The following NDC1 variants were observed in gnomAD, a reference collection of about 807,000 sequenced individuals.
NDC1 encodes the protein nucleoporin NDC1.
A neutral mutation model predicts 89.8 loss-of-function variants in NDC1; 24 were observed. That is an observed-to-expected ratio of 0.27 (90% confidence interval 0.19 to 0.38). NDC1 has a LOEUF of 0.38. Ranked by LOEUF, NDC1 falls within the 10% of genes least tolerant of loss-of-function variation. The pLI is 1.00. For synonymous variants in NDC1, 296 were observed against 284.8 expected (o/e 1.04, Z -0.39); for missense variants, 728 against 797.6 (o/e 0.91, Z 1.05).
At chr1:53,792,979 A>C (rs1170565597) in intron 14 of NDC1, among the ~76,000 whole-genome samples, 1 of 152,238 alleles carries the variant, frequency 6.6e-6, no homozygotes, top group African/African-American at 2.4e-5. Flanking sequence ...GTTGCCTATC[A>C]GCACAAAGCT....
intron 16 of NDC1, among the ~76,000 whole-genome samples, chr1:53,785,290 T>C (rs1048031297): frequency 6.6e-6 from 1 of 152,222 alleles, no homozygotes; most frequent in Admixed American, 6.5e-5. Context: ...CCATCAAAGA[T>C]ATGCCCAAAT....
At position 53,767,694 on chromosome 1, in the gene NDC1, C is replaced by A; in HGVS notation, c.*276G>T. The A allele has an allele frequency of 3.6e-6, 1 of 280,154 alleles. No individual in the cohort carries two copies. Among genetic ancestry groups the A allele is most frequent in the Non-Finnish European group, 6.6e-6 (1 of 151,092 alleles). The allele number at this position is 280,154 out of a possible 1,614,324, so 17.4% of individuals were successfully genotyped here. ...ACTATTAAGTTATATGAGCTAGAGACATTTCGACTGCCATCAATGCTTCTG... is the reference window on the plus strand; with the variant it reads ...ACTATTAAGTTATATGAGCTAGAGAAATTTCGACTGCCATCAATGCTTCTG... On this transcript the variant is annotated 3_prime_UTR_variant, in exon 18 of 18. Coordinates refer to ENST00000371429, the MANE Select transcript of NDC1 (RefSeq NM_018087.5).
At chr1:53,785,531 T>C (rs538824605) in intron 16 of NDC1, among the ~76,000 whole-genome samples, 1 of 152,290 alleles carries the variant, frequency 6.6e-6, no homozygotes, top group African/African-American at 2.4e-5. Context: ...GTAAAATGAA[T>C]TGAGTGTTAA....
intron 16 of NDC1, among the ~76,000 whole-genome samples, chr1:53,779,149 A>G (rs1171014739): frequency 6.7e-6 from 1 of 148,960 alleles, no homozygotes; most frequent in African/African-American, 2.5e-5. Context: ...AAAAATTGTC[A>G]TGTAACATAG....
At position 53,825,794 on chromosome 1, in the gene NDC1, T is replaced by C; in HGVS notation, c.594+4A>G. 1.3e-6 allele frequency: 2 copies of C among 1,581,150 alleles called. No individual in the cohort carries two copies. The highest frequency in any genetic ancestry group is 1.7e-6 in the Non-Finnish European group (2 of 1,169,732). Reference sequence around the variant, plus strand: ...GACATCAAGTAATGCTCAAATGATCTTACCTGTATGATGGGAAATGGAAGA... The same window carrying C: ...GACATCAAGTAATGCTCAAATGATCCTACCTGTATGATGGGAAATGGAAGA... On this transcript the variant is annotated splice_donor_region_variant and intron_variant, in intron 5 of 17. Coordinates refer to ENST00000371429, the MANE Select transcript of NDC1 (RefSeq NM_018087.5).
chr1:53,766,963 T>G lies in NDC1; in HGVS notation c.*1007A>C, dbSNP rs1389477671. The G allele has an allele frequency of 1.3e-5, 2 of 152,232 alleles. No individual in the cohort carries two copies. The highest frequency in any genetic ancestry group is 3.8e-4 in the East Asian group (2 of 5,202). 9.4% of individuals were successfully genotyped at this position (152,232 alleles called of 1,614,324 possible). A position where few individuals can be genotyped will look rare whatever the true frequency, so the allele number is the denominator to read the frequency against. On this transcript the variant is annotated 3_prime_UTR_variant, in exon 18 of 18. Transcript: ENST00000371429. ...AAGTACAGTAATCCCTCTGACGTTT[T>G]GGTTTCACTTGCTATTTGATGACTA...
At chr1:53,822,860 G>C (rs1648720943) in intron 5 of NDC1, among the ~76,000 whole-genome samples, 1 of 152,104 alleles carries the variant, frequency 6.6e-6, no homozygotes, top group Non-Finnish European at 1.5e-5. Flanking sequence ...TGGTCAGCTT[G>C]GCTATCAATC....
intron 11 of NDC1, among the ~76,000 whole-genome samples, chr1:53,799,033 C>T (rs986019242): frequency 1.3e-5 from 2 of 152,166 alleles, no homozygotes; most frequent in Non-Finnish European, 2.9e-5. Context: ...TTTGGTCAGA[C>T]TCATGATCTA....
At chr1:53,826,246 G>C (rs1303746169) in intron 4 of NDC1, among the ~76,000 whole-genome samples, 2 of 152,156 alleles carry the variant, frequency 1.3e-5, no homozygotes, top group African/African-American at 4.8e-5. Flanking sequence ...CTGTAAATAA[G>C]TTATATATAC....
At chr1:53,803,835 T>A in intron 10 of NDC1, 93 bp downstream of exon 10, 1 of 924,256 alleles carries the variant, frequency 1.1e-6, no homozygotes, top group South Asian at 1.4e-5. Context: ...CCTCCCAAAG[T>A]GCTGGGATTA....
At chr1:53,805,984 G>A (rs1452424168) in intron 9 of NDC1, among the ~76,000 whole-genome samples, 2 of 152,148 alleles carry the variant, frequency 1.3e-5, no homozygotes, top group African/African-American at 2.4e-5. Context: ...TGAGGCAGGA[G>A]AATGGCGTGA....
At position 53,793,234 on chromosome 1, in the gene NDC1, T is replaced by C. The variant is rs1647580585; in HGVS notation, c.1630A>G (p.Ser544Gly). 6.2e-7 allele frequency: 1 copy of C among 1,610,270 alleles called. No individual in the cohort carries two copies. The highest frequency in any genetic ancestry group is 8.5e-7 in the Non-Finnish European group (1 of 1,176,642). The change falls in exon 14 of 18, where the codon AGT becomes GGT. Residue 544 changes from serine to glycine, a missense_variant. Physicochemically the swap from Ser to Gly is moderately conservative, Grantham distance 56 (BLOSUM62 0). Coordinates refer to ENST00000371429, the MANE Select transcript of NDC1 (RefSeq NM_018087.5). ...CTATAACCACATATTCTTACCTTAC[T>C]GAAAAAATACATTATCAGCACCCGT... is the stretch of plus-strand genomic sequence containing the variant. Reference protein sequence around the residue: ...SKRVLIMYFFSKHPEASIQAV... With the variant: ...SKRVLIMYFFGKHPEASIQAV...
intron 2 of NDC1, among the ~76,000 whole-genome samples, chr1:53,834,063 G>T (rs915989910): frequency 4.6e-5 from 7 of 152,158 alleles, no homozygotes; most frequent in South Asian, 4.1e-4. Flanking sequence ...GATTACAGGG[G>T]TGAGCCACCA....
intron 6 of NDC1, among the ~76,000 whole-genome samples, chr1:53,814,716 CA>C (rs1648421369): frequency 6.6e-6 from 1 of 151,728 alleles, no homozygotes; most frequent in African/African-American, 2.4e-5. Context: ...CAAGATTAAC[CA>C]AAAAAAGAAG....
intron 16 of NDC1, among the ~76,000 whole-genome samples, chr1:53,779,807 T>C (rs1647189612): frequency 1.3e-5 from 2 of 152,192 alleles, no homozygotes; most frequent in Admixed American, 1.3e-4. Flanking sequence ...TGGAATACTA[T>C]GCAAATGTTA....
chr1:53,815,174 C>T (rs533199023), intron 6 of NDC1, among the ~76,000 whole-genome samples: 1 of 152,262 alleles, frequency 6.6e-6, no homozygotes, highest in African/African-American at 2.4e-5. Context: ...GACTGTTATC[C>T]TTGATGAATA....
intron 5 of NDC1, among the ~76,000 whole-genome samples, chr1:53,822,637 G>C (rs1648711730): frequency 6.6e-6 from 1 of 151,618 alleles, no homozygotes; most frequent in African/African-American, 2.4e-5. Context: ...CTGGCCATGG[G>C]ATGGTCAAGG....
Position 53,820,158 on chromosome 1 carries a change from C to T in NDC1, c.595-1079G>A, listed in dbSNP as rs564315360. Among the ~76,000 whole-genome samples the T allele has an allele frequency of 3.4e-4, 51 of 151,370 alleles. 1 individual carries two copies. In the South Asian group the frequency reaches 6.1e-3, roughly 18 times the overall value. ...TAATCGCAGCTACTCGGGAGGTTGA[C>T]GCAGGAGAATCACTTGAACCCAGGA... On this transcript the variant is annotated intron_variant, in intron 5 of 17. Transcript: ENST00000371429.
chr1:53,798,749 T>C (rs1647813153), intron 11 of NDC1, among the ~76,000 whole-genome samples: 1 of 152,070 alleles, frequency 6.6e-6, no homozygotes, highest in Admixed American at 6.6e-5. Flanking sequence ...AAGACGGCGT[T>C]TCGCCATATT....
Sources: allele counts gnomAD v4.1 joint callset (sites outside exome capture counted in the v4.1 genomes callset), GRCh38; gene constraint gnomAD v4.1.1; transcripts MANE v1.5; gene names NCBI Gene and HGNC (gene_info 2026-07-23, HGNC 2026-07-21).